GRB10: variants seen among roughly 807,000 people sequenced by gnomAD.
GRB10 encodes the protein growth factor receptor bound protein 10, also known as growth factor receptor-bound protein 10.
In GRB10, 20 loss-of-function variants were observed where a neutral mutation model predicts 80.9. That is an observed-to-expected ratio of 0.25 (90% CI 0.17 to 0.36). The LOEUF (loss-of-function observed/expected upper bound fraction) is 0.36. GRB10 is among the 10% of genes least tolerant of loss of function. The probability of loss-of-function intolerance (pLI) is 1.00; values close to 1 mark genes in which losing one functional copy is unlikely to be tolerated. For synonymous variants in GRB10, 291 were observed against 291.5 expected (o/e 1.00, Z 0.02); for missense variants, 548 against 747.7 (o/e 0.73, Z 3.12).
chr7:50,728,120 G>A (rs185045648), intron 4 of GRB10, among the ~76,000 whole-genome samples: 45 of 151,866 alleles, frequency 3.0e-4, no homozygotes, highest in African/African-American at 9.9e-4. Flanking sequence ...AATGATCTTC[G>A]TAACTTCCCA....
rs150559157 is a variant in GRB10 at position 50,616,419 on chromosome 7, T to C, written c.847-72A>G. 3.4e-4 allele frequency: 472 copies of C among 1,377,274 alleles called. 1 individual carries two copies. The highest frequency in any genetic ancestry group is 4.2e-5 in the Non-Finnish European group (41 of 979,182). 85.3% of individuals were successfully genotyped at this position (1,377,274 alleles called of 1,614,324 possible). On this transcript the variant is annotated intron_variant, in intron 10 of 18. Transcript: ENST00000401949. ...AATTAAAGCAGACATGTTATCAGCA[T>C]AGCTGACATTTTCTGAATTATTAAA...
At chr7:50,617,321 C>T (rs2050829542) in intron 10 of GRB10, among the ~76,000 whole-genome samples, 1 of 152,244 alleles carries the variant, frequency 6.6e-6, no homozygotes, top group Non-Finnish European at 1.5e-5. Flanking sequence ...TCTGTAGGAA[C>T]TACATTTTAG....
rs1462147929 is a variant in GRB10, at chr7:50,591,397, G to A, written c.*1555C>T. 1.3e-5 allele frequency: 2 copies of A among 152,252 alleles called. No individual in the cohort carries two copies. Among genetic ancestry groups the A allele is most frequent in the African/African-American group, 4.8e-5 (2 of 41,434 alleles). The allele number at this position is 152,252 out of a possible 1,614,324, so 9.4% of individuals were successfully genotyped here. A position where few individuals can be genotyped will look rare whatever the true frequency, so the allele number is the denominator to read the frequency against. On this transcript the variant is annotated 3_prime_UTR_variant, in exon 19 of 19. Coordinates refer to ENST00000401949, the MANE Select transcript of GRB10 (RefSeq NM_001350814.2). ...TGTTCCTTAGGGAACACTTCAGTGG[G>A]GCGGATTTGGGGCAATATCATGGCC...
At position 50,647,882 on chromosome 7, in the gene GRB10, T is replaced by A. The variant is rs2057435400; in HGVS notation, c.505-20904A>T. Among the ~76,000 whole-genome samples the A allele has an allele frequency of 5.3e-5, 8 of 152,216 alleles. No homozygotes were observed. The South Asian group carries it at 1.7e-3, about 32-fold the overall frequency. ...AGGAGTGAGGAAGGGAATTGGGAATTCTGATGGGGGTACTGGTCTGCTGCT... is the reference window on the plus strand; with the variant it reads ...AGGAGTGAGGAAGGGAATTGGGAATACTGATGGGGGTACTGGTCTGCTGCT... On this transcript the variant is annotated intron_variant, in intron 7 of 18. Transcript: ENST00000401949.
Position 50,592,707 on chromosome 7 carries a change from G to T in GRB10, c.*245C>A, listed in dbSNP as rs3807551. 5.5e-6 allele frequency: 3 copies of T among 549,254 alleles called. No homozygotes were observed. Among genetic ancestry groups the T allele is most frequent in the Non-Finnish European group, 6.6e-6 (2 of 304,432 alleles). The allele number at this position is 549,254 out of a possible 1,614,324, so 34.0% of individuals were successfully genotyped here. A position where few individuals can be genotyped will look rare whatever the true frequency, so the allele number is the denominator to read the frequency against. On this transcript the variant is annotated 3_prime_UTR_variant, in exon 19 of 19. Transcript: ENST00000401949. ...CATTCCAGTTTATTTTCAACTTTCC[G>T]CTGGATCTTCCATGCCCTCCCCAAT...
At chr7:50,648,388 G>C (rs541957006) in intron 7 of GRB10, among the ~76,000 whole-genome samples, 4 of 152,316 alleles carry the variant, frequency 2.6e-5, no homozygotes, top group African/African-American at 9.6e-5. Context: ...GGGGACAAAA[G>C]CTGGGCTGCT....
chr7:50,687,084 C>T (rs549986134), intron 5 of GRB10, among the ~76,000 whole-genome samples: 29 of 152,272 alleles, frequency 1.9e-4, no homozygotes, highest in Admixed American at 1.5e-3. Flanking sequence ...TTCCGTCAAT[C>T]AAGCGGTAGA....
intron 4 of GRB10, among the ~76,000 whole-genome samples, chr7:50,730,071 T>C (rs768878000): frequency 6.6e-6 from 1 of 152,156 alleles, no homozygotes; most frequent in Non-Finnish European, 1.5e-5. Flanking sequence ...AACTTCGGTA[T>C]GGAAACTGCG....
At chr7:50,618,754 C>A (rs967039079) in intron 9 of GRB10, among the ~76,000 whole-genome samples, 1 of 152,250 alleles carries the variant, frequency 6.6e-6, no homozygotes, top group Admixed American at 6.5e-5. Flanking sequence ...AAGACACCAA[C>A]CAATCGCACT....
chr7:50,786,008 G>C (rs1399909217), upstream of GRB10, among the ~76,000 whole-genome samples: 1 of 152,138 alleles, frequency 6.6e-6, no homozygotes, highest in Non-Finnish European at 1.5e-5. Flanking sequence ...GTGGGGCAGA[G>C]GGCATGTAGG....
At position 50,593,584 on chromosome 7, in the gene GRB10, C is replaced by T. The variant is rs533635002; in HGVS notation, c.1639-486G>A. Among the ~76,000 whole-genome samples, 9 of 152,258 alleles carry T rather than the reference C, an allele frequency of 5.9e-5. No individual in the cohort carries two copies. The South Asian group carries it at 1.4e-3, about 25-fold the overall frequency. ...TGGCTATGAGGGATTAATAAGCTCACGCAGGTAAATTCCGTTCCTAGGTCC... is the reference window on the plus strand; with the variant it reads ...TGGCTATGAGGGATTAATAAGCTCATGCAGGTAAATTCCGTTCCTAGGTCC... On this transcript the variant is annotated intron_variant, in intron 18 of 18. Transcript: ENST00000401949.
chr7:50,709,618 G>A (rs1290766381), intron 4 of GRB10, among the ~76,000 whole-genome samples: 3 of 141,162 alleles, frequency 2.1e-5, no homozygotes, highest in Non-Finnish European at 4.5e-5. Flanking sequence ...GCAGACTGCC[G>A]AGACCCTGGC....
intron 4 of GRB10, among the ~76,000 whole-genome samples, chr7:50,726,320 C>A (rs2068638442): frequency 6.6e-6 from 1 of 152,118 alleles, no homozygotes; most frequent in East Asian, 1.9e-4. Flanking sequence ...ATCGCTTGAA[C>A]CCGGGAGGTG....
At chr7:50,705,706 T>C (rs1287881889) in intron 4 of GRB10, among the ~76,000 whole-genome samples, 1 of 152,216 alleles carries the variant, frequency 6.6e-6, no homozygotes, top group Non-Finnish European at 1.5e-5. Context: ...CCAACAATCA[T>C]CTCCATCAGC....
At chr7:50,689,857 T>C (rs1455538258) in intron 5 of GRB10, among the ~76,000 whole-genome samples, 1 of 151,980 alleles carries the variant, frequency 6.6e-6, no homozygotes, top group Non-Finnish European at 1.5e-5. Flanking sequence ...ACTGAAATTC[T>C]CTAGTTTGAC....
At chr7:50,780,931 T>A (rs577893136) in intron 1 of GRB10, 195 bp from the exon 2 acceptor site, 2 of 152,278 alleles carry the variant, frequency 1.3e-5, no homozygotes, top group South Asian at 4.1e-4. Flanking sequence ...CTCTCGAAGT[T>A]TGGAAGCCTA....
At chr7:50,648,285 T>C (rs1216879881) in intron 7 of GRB10, among the ~76,000 whole-genome samples, 1 of 152,088 alleles carries the variant, frequency 6.6e-6, no homozygotes, top group African/African-American at 2.4e-5. Context: ...CTCATGCTGC[T>C]GCAGGCCCGG....
At chr7:50,595,351 C>G (rs892089167) in intron 18 of GRB10, 86 bp downstream of exon 18, 1 of 801,744 alleles carries the variant, frequency 1.2e-6, no homozygotes, top group Non-Finnish European at 2.3e-6. Context: ...ACTTACCGGT[C>G]TTGTCGGTTT....
chr7:50,657,936 A>G (rs1563320741), intron 7 of GRB10, among the ~76,000 whole-genome samples: 1 of 152,008 alleles, frequency 6.6e-6, no homozygotes, highest in African/African-American at 2.4e-5. Flanking sequence ...CTTGTCCTTC[A>G]GCCAGTTAAG....
Sources: gnomAD v4.1 joint callset for allele counts (sites outside exome capture counted in the v4.1 genomes callset) on GRCh38, gnomAD v4.1.1 for gene constraint, MANE v1.5 for transcripts, NCBI Gene and HGNC (gene_info 2026-07-23, HGNC 2026-07-21) for gene names.